Variants in ARHGAP45 observed in about 807,000 individuals in gnomAD.
The protein encoded by ARHGAP45 is rho GTPase-activating protein 45.
A neutral mutation model predicts 116.1 loss-of-function variants in ARHGAP45; 56 were observed. The observed-to-expected ratio is 0.48, with a 90% CI of 0.39 to 0.60. ARHGAP45 has a LOEUF of 0.60. Among genes scored for constraint, ARHGAP45 ranks in the 20% least tolerant of loss-of-function variants. The pLI, the probability that ARHGAP45 is intolerant of heterozygous loss-of-function variation, is 0.00. For missense variants in ARHGAP45, 1,622 were observed against 1,601.0 expected (o/e 1.01, Z -0.22); for synonymous variants, 866 against 701.7 (o/e 1.23, Z -3.70).
Position 1,080,047 on chromosome 19 carries a change from G to A in ARHGAP45, c.1632G>A (p.Val544=), listed in dbSNP as rs534098368. The A allele has an allele frequency of 1.2e-6, 2 of 1,612,780 alleles. No individual in the cohort carries two copies. Among genetic ancestry groups the A allele is most frequent in the South Asian group, 2.2e-5 (2 of 91,084 alleles). ...CAGGCCAGCAGTACGCCTCCCACGT[G>A]CGCCAGCTGCAGCGGGACCAGGAGC... ...YDPGQQYASH[V]RQLQRDQEPD... is the part of the protein sequence containing the mutation. Residue 544 remains valine, a synonymous_variant, in exon 13 of 23, where the codon GTG becomes GTA. Coordinates refer to ENST00000313093, the MANE Select transcript of ARHGAP45 (RefSeq NM_012292.5).
In ARHGAP45 at chr19:1,080,985, G is replaced by A. The variant is rs777174070; in HGVS notation, c.2111G>A (p.Arg704Gln). The A allele has an allele frequency of 3.7e-6, 6 of 1,607,874 alleles. No individual in the cohort carries two copies. Among genetic ancestry groups the A allele is most frequent in the East Asian group, 4.5e-5 (2 of 44,666 alleles). ...EGLSKAARTH[R>Q]LRKLRTPAKC... ...CTGTCCAAGGCGGCCCGTACTCACC[G>A]GCTCCGGAAGCTCCGCACGCCCGCC... The change falls in exon 17 of 23, where the codon CGG becomes CAG. Residue 704 changes from arginine (R) to glutamine (Q), a missense_variant. Physicochemically the swap from Arg to Gln is conservative, Grantham distance 43. Around this residue, in one of 3 missense-constraint regions of ARHGAP45, gnomAD observed 1,334 missense variants for 1,263.8 expected, o/e 1.06. Coordinates refer to ENST00000313093, the MANE Select transcript of ARHGAP45 (RefSeq NM_012292.5).
At chr19:1,070,642 C>T (rs1190979501) in intron 2 of ARHGAP45, among the ~76,000 whole-genome samples, 2 of 152,000 alleles carry the variant, frequency 1.3e-5, no homozygotes, top group African/African-American at 4.8e-5. Flanking sequence ...CCATCGCGCC[C>T]GGCCAGTTTT....
intron 19 of ARHGAP45, among the ~76,000 whole-genome samples, chr19:1,082,279 C>CG (rs2043462584): frequency 8.0e-4 from 1 of 1,246 alleles, no homozygotes; most frequent in Non-Finnish European, 1.9e-3. Flanking sequence ...TGTGCGGGGG[C>CG]GGGGCCGGGG....
chr19:1,082,064 C>A, intron 19 of ARHGAP45, 103 bp downstream of exon 19: 1 of 1,117,754 alleles, frequency 8.9e-7, no homozygotes, highest in Non-Finnish European at 1.2e-6. Flanking sequence ...TGAGCTGGAG[C>A]AGGACTGGCG....
At chr19:1,085,250 A>T (rs1402548988) in intron 22 of ARHGAP45, among the ~76,000 whole-genome samples, 1 of 152,176 alleles carries the variant, frequency 6.6e-6, no homozygotes, top group Non-Finnish European at 1.5e-5. Flanking sequence ...CGGAAACTCC[A>T]GTTTTTAGAC....
chr19:1,066,267 G>T, upstream of ARHGAP45: 2 of 623,010 alleles, frequency 3.2e-6, no homozygotes, highest in Non-Finnish European at 4.8e-6. Context: ...GGGGGAGAGA[G>T]TTCACACTGC....
In ARHGAP45 at chr19:1,086,112, G is replaced by A. The variant is rs1001267275; in HGVS notation, c.*106G>A. ...AGCTTAGGTGCGCCGTCCTGGGGTC[G>A]CTGCCGAGAGCGCCTGGACTTCGAC... On this transcript the variant is annotated 3_prime_UTR_variant, in exon 23 of 23. Transcript: ENST00000313093. The A allele has an allele frequency of 6.0e-5, 63 of 1,041,718 alleles. No homozygotes were observed. Among genetic ancestry groups the A allele is most frequent in the Non-Finnish European group, 7.5e-5 (54 of 721,654 alleles). The allele number at this position is 1,041,718 out of a possible 1,614,324, so 64.5% of individuals were successfully genotyped here.
At chr19:1,080,148 C>T in intron 13 of ARHGAP45, 30 bp downstream of exon 13, 3 of 1,610,342 alleles carry the variant, frequency 1.9e-6, no homozygotes, top group Non-Finnish European at 2.5e-6. Context: ...CTGTCCCCGG[C>T]GCACAAGGCC....
chr19:1,075,466 A>G (rs1277534013), intron 10 of ARHGAP45, among the ~76,000 whole-genome samples: 1 of 151,920 alleles, frequency 6.6e-6, no homozygotes, highest in Non-Finnish European at 1.5e-5. Flanking sequence ...GCTGGTCTCG[A>G]ACTCCTGACC....
Position 1,080,474 on chromosome 19 carries a change from ACACCAGGTTCACAAGTCATGGC to A in ARHGAP45, c.1841_1862del (p.His614ArgfsTer58). 1 of 1,612,750 alleles carries A rather than the reference ACACCAGGTTCACAAGTCATGGC, an allele frequency of 6.2e-7. No homozygotes were observed. ...CGCCTCTTTCTCCAGCCGGGCGAGGACACCAGGTTCACAAGTCATGGCCGCTCTCGATCTCAGACTCGGACAG... is the reference window on the plus strand; with the variant it reads ...CGCCTCTTTCTCCAGCCGGGCGAGGACGCTCTCGATCTCAGACTCGGACAG... On this transcript the variant is annotated frameshift_variant, in exon 15 of 23. Coordinates refer to ENST00000313093, the MANE Select transcript of ARHGAP45 (RefSeq NM_012292.5). LOFTEE classifies it high-confidence loss of function.
At chr19:1,076,642 G>A (rs1016240524) in intron 10 of ARHGAP45, among the ~76,000 whole-genome samples, 1 of 151,828 alleles carries the variant, frequency 6.6e-6, no homozygotes, top group Non-Finnish European at 1.5e-5. Flanking sequence ...GATTACAGGC[G>A]CCAGCCAACA....
At position 1,074,444 on chromosome 19, in the gene ARHGAP45, G is replaced by C. The variant is rs544484826; in HGVS notation, c.993+37G>C. On this transcript the variant is annotated intron_variant, in intron 8 of 22. Coordinates refer to ENST00000313093, the MANE Select transcript of ARHGAP45 (RefSeq NM_012292.5). Reference sequence around the variant, plus strand: ...GCGGGCACGGGGCGGGGGTCCCTGGGCCCGGGTGTGAGTCTCAGCCCCATT... The same window carrying C: ...GCGGGCACGGGGCGGGGGTCCCTGGCCCCGGGTGTGAGTCTCAGCCCCATT... 2.7e-6 allele frequency: 4 copies of C among 1,479,476 alleles called. No individual in the cohort carries two copies. The South Asian group carries it at 5.4e-5, about 20-fold the overall frequency. 91.6% of individuals were successfully genotyped at this position (1,479,476 alleles called of 1,614,324 possible).
intron 1 of ARHGAP45, 36 bp downstream of exon 1, chr19:1,067,531 C>A: frequency 6.5e-7 from 1 of 1,548,226 alleles, no homozygotes; most frequent in South Asian, 1.2e-5. Context: ...GAGCTGACGC[C>A]GGGCCGCAGG....
intron 2 of ARHGAP45, among the ~76,000 whole-genome samples, chr19:1,070,677 C>CT (rs1276393452): frequency 2.0e-5 from 3 of 151,952 alleles, no homozygotes; most frequent in Admixed American, 6.6e-5. Flanking sequence ...AGACCGGGGT[C>CT]TCCCCATATT....
At chr19:1,073,869 G>T in intron 5 of ARHGAP45, 79 bp from the exon 6 acceptor site, 1 of 1,529,888 alleles carries the variant, frequency 6.5e-7, no homozygotes. Flanking sequence ...TCTGGGGGAG[G>T]CAGCAACCGT....
rs956287534 is a variant in ARHGAP45, at chr19:1,068,195, G to C, written c.91-219G>C. 10 of 537,748 alleles carry C rather than the reference G, an allele frequency of 1.9e-5. No individual in the cohort carries two copies. Among genetic ancestry groups the C allele is most frequent in the Non-Finnish European group, 2.9e-5 (9 of 311,800 alleles). 33.3% of individuals were successfully genotyped at this position (537,748 alleles called of 1,614,324 possible). A position where few individuals can be genotyped will look rare whatever the true frequency, so the allele number is the denominator to read the frequency against. Reference sequence around the variant, plus strand: ...GCAGGCCCCGCCCCGGCTGTGGTTTGGGCAAGGACCGTTGTTTGTGAAAGC... The same window carrying C: ...GCAGGCCCCGCCCCGGCTGTGGTTTCGGCAAGGACCGTTGTTTGTGAAAGC... On this transcript the variant is annotated intron_variant, in intron 1 of 22. Transcript: ENST00000313093. The surrounding 1 kb of genome is among the most constrained non-coding windows in gnomAD (Gnocchi z 7.5).
chr19:1,067,398 G>T lies in ARHGAP45; in HGVS notation c.-8G>T. The T allele has an allele frequency of 6.4e-7, 1 of 1,568,936 alleles. No individual in the cohort carries two copies. On this transcript the variant is annotated 5_prime_UTR_variant, in exon 1 of 23. Transcript: ENST00000313093. ...CCGCCCCCTCGGGCTCCCGGCCGGG[G>T]CCCCATCATGTTCTCCAGGAAGAAA... is the stretch of plus-strand genomic sequence containing the variant.
intron 10 of ARHGAP45, 22 bp downstream of exon 10, chr19:1,074,901 G>A (rs1472299321): frequency 5.5e-6 from 8 of 1,461,906 alleles, no homozygotes; most frequent in Non-Finnish European, 7.4e-6. Context: ...GGGCGGGGGC[G>A]GGCGGGGGCG....
chr19:1,074,746 G>A (rs960779869), intron 9 of ARHGAP45, 22 bp downstream of exon 9: 3 of 1,595,882 alleles, frequency 1.9e-6, no homozygotes, highest in Middle Eastern at 2.1e-4. Context: ...CCGGGAGGGC[G>A]GGCTGGGCGG....
Sources: allele counts gnomAD v4.1 joint callset (sites outside exome capture counted in the v4.1 genomes callset), GRCh38; gene constraint gnomAD v4.1.1; regional missense constraint gnomAD v4.1.1; non-coding constraint Gnocchi (gnomAD v3.1); transcripts MANE v1.5; gene names NCBI Gene and HGNC (gene_info 2026-07-23, HGNC 2026-07-21).